The following ZNF277 variants were observed in gnomAD, a reference collection of about 807,000 sequenced individuals.
The protein encoded by ZNF277 is zinc finger protein 277.
In ZNF277, 55 loss-of-function variants were observed where a neutral mutation model predicts 60.7. The observed-to-expected ratio is 0.91, with a 90% CI of 0.73 to 1.13. The LOEUF (loss-of-function observed/expected upper bound fraction) is 1.13, where lower values mean the gene tolerates loss of function less well. Among genes scored for constraint, ZNF277 ranks in the 50% most tolerant of loss-of-function variants. The probability of loss-of-function intolerance (pLI) is 0.00; values close to 1 mark genes in which losing one functional copy is unlikely to be tolerated. For synonymous variants in ZNF277, 178 were observed against 179.3 expected, an observed-to-expected ratio of 0.99 and a Z score of 0.06; for missense variants, 510 against 523.0, an observed-to-expected ratio of 0.98 and a Z score of 0.24.
intron 1 of ZNF277, among the ~76,000 whole-genome samples, chr7:112,286,443 C>T (rs912659775): frequency 6.6e-6 from 1 of 152,320 alleles, no homozygotes; most frequent in East Asian, 1.9e-4. Context: ...CTGGCATCAT[C>T]TGTCGCCTTA....
intron 5 of ZNF277, among the ~76,000 whole-genome samples, chr7:112,325,473 T>C (rs1793072482): frequency 6.6e-6 from 1 of 152,298 alleles, no homozygotes; most frequent in Middle Eastern, 3.4e-3. Flanking sequence ...CCAGAAGGCA[T>C]TAGGGATGGT....
chr7:112,316,633 G>C (rs1484011656), intron 4 of ZNF277, among the ~76,000 whole-genome samples: 1 of 151,984 alleles, frequency 6.6e-6, no homozygotes, highest in Non-Finnish European at 1.5e-5. Flanking sequence ...TGAAGTCTTT[G>C]CCCTTGCCTA....
At chr7:112,253,921 G>T (rs1791249371) in intron 1 of ZNF277, among the ~76,000 whole-genome samples, 2 of 152,040 alleles carry the variant, frequency 1.3e-5, no homozygotes, top group African/African-American at 2.4e-5. Context: ...TTATTCATCA[G>T]TTCTCCTCTT....
At chr7:112,298,528 G>A (rs1792403948) in intron 4 of ZNF277, among the ~76,000 whole-genome samples, 1 of 152,314 alleles carries the variant, frequency 6.6e-6, no homozygotes, top group Non-Finnish European at 1.5e-5. Context: ...AAATCCTTCA[G>A]TGCCAGAAAC....
At chr7:112,281,089 G>A (rs1004429303) in intron 1 of ZNF277, among the ~76,000 whole-genome samples, 3 of 152,172 alleles carry the variant, frequency 2.0e-5, no homozygotes, top group Admixed American at 6.5e-5. Flanking sequence ...AAGCCTTGCC[G>A]CAAGGCCATG....
chr7:112,305,195 C>T (rs373480125), intron 4 of ZNF277, among the ~76,000 whole-genome samples: 50 of 151,928 alleles, frequency 3.3e-4, no homozygotes, highest in East Asian at 1.9e-3. Flanking sequence ...AGACCAGGCT[C>T]GGTAACAAAG....
chr7:112,255,431 A>T (rs903829518), intron 1 of ZNF277, among the ~76,000 whole-genome samples: 4 of 152,264 alleles, frequency 2.6e-5, no homozygotes, highest in Non-Finnish European at 4.4e-5. Flanking sequence ...TGTTCACCAC[A>T]AAAGCTGAAC....
chr7:112,211,766 T>A (rs1821754619), intron 1 of ZNF277, among the ~76,000 whole-genome samples: 1 of 152,218 alleles, frequency 6.6e-6, no homozygotes, highest in Non-Finnish European at 1.5e-5. Context: ...TCCTTTCCCA[T>A]ATCTCCATTA....
At chr7:112,309,096 AAGG>A (rs1299122889) in intron 4 of ZNF277, among the ~76,000 whole-genome samples, 1 of 151,914 alleles carries the variant, frequency 6.6e-6, no homozygotes, top group Non-Finnish European at 1.5e-5. Flanking sequence ...GGGAAAGGGG[AAGG>A]AGGAGGTAAA....
At chr7:112,320,065 A>G (rs932219354) in intron 5 of ZNF277, among the ~76,000 whole-genome samples, 3 of 152,108 alleles carry the variant, frequency 2.0e-5, no homozygotes, top group Non-Finnish European at 4.4e-5. Flanking sequence ...GAAGCTACAA[A>G]TGGTATTTTT....
intron 1 of ZNF277, among the ~76,000 whole-genome samples, chr7:112,259,072 T>C (rs1208012835): frequency 1.3e-5 from 2 of 152,178 alleles, no homozygotes; most frequent in Non-Finnish European, 2.9e-5. Flanking sequence ...CTTACTGATA[T>C]TAACCATCTG....
At chr7:112,274,325 T>A (rs929883906) in intron 1 of ZNF277, among the ~76,000 whole-genome samples, 1 of 151,996 alleles carries the variant, frequency 6.6e-6, no homozygotes, top group African/African-American at 2.4e-5. Context: ...GCCCAGCTGA[T>A]TTTTTATTTT....
intron 1 of ZNF277, among the ~76,000 whole-genome samples, chr7:112,283,595 A>G (rs1229414671): frequency 2.0e-5 from 3 of 152,204 alleles, no homozygotes; most frequent in Non-Finnish European, 4.4e-5. Context: ...AAATTTGCAT[A>G]TTCATGATTT....
At position 112,341,768 on chromosome 7, in the gene ZNF277, G is replaced by T. The variant is rs77834518; in HGVS notation, c.1184+722G>T. Among the ~76,000 whole-genome samples the T allele has an allele frequency of 5.7e-3, 869 of 152,256 alleles. 11 individuals carry two copies. Among genetic ancestry groups the T allele is most frequent in the African/African-American group, 0.019 (785 of 41,536 alleles). ...CGAGGGCTCCTCTGAGAGACTGTGG[G>T]GTTCTAGCTGCCCAGAGCTCCTTCT... On this transcript the variant is annotated intron_variant, in intron 11 of 11. Transcript: ENST00000361822.
chr7:112,249,277 G>T (rs1018432039), intron 1 of ZNF277, among the ~76,000 whole-genome samples: 1 of 152,082 alleles, frequency 6.6e-6, no homozygotes, highest in African/African-American at 2.4e-5. Flanking sequence ...TTTCCCTTTT[G>T]TGTTTTAACC....
chr7:112,331,206 G>A (rs1434859444), intron 7 of ZNF277, among the ~76,000 whole-genome samples: 3 of 152,110 alleles, frequency 2.0e-5, no homozygotes, highest in African/African-American at 7.2e-5. Context: ...GATGGGGAGA[G>A]GCATTTGGAA....
At chr7:112,220,288 A>T (rs1418229976) in intron 1 of ZNF277, among the ~76,000 whole-genome samples, 2 of 146,284 alleles carry the variant, frequency 1.4e-5, no homozygotes, top group African/African-American at 2.5e-5. Context: ...ATTCCTAAGT[A>T]TTTTTTTTTT....
chr7:112,210,724 G>A (rs966120982), intron 1 of ZNF277, among the ~76,000 whole-genome samples: 2 of 151,888 alleles, frequency 1.3e-5, no homozygotes, highest in East Asian at 3.9e-4. Context: ...CACCCTCCTC[G>A]GCCTCCCAAA....
chr7:112,314,332 A>C (rs1351135435), intron 4 of ZNF277, among the ~76,000 whole-genome samples: 2 of 152,160 alleles, frequency 1.3e-5, no homozygotes, highest in East Asian at 3.8e-4. Flanking sequence ...AAAGATGGGC[A>C]AAAGAGGGAA....
Sources: allele counts gnomAD v4.1 joint callset (sites outside exome capture counted in the v4.1 genomes callset), GRCh38; gene constraint gnomAD v4.1.1; transcripts MANE v1.5; gene names NCBI Gene and HGNC (gene_info 2026-07-23, HGNC 2026-07-21).